IQSEC2: variants seen among roughly 807,000 people sequenced by gnomAD.
IQSEC2 encodes the protein IQ motif and Sec7 domain ArfGEF 2, also known as IQ motif and SEC7 domain-containing protein 2.
A neutral mutation model predicts 74.6 loss-of-function variants in IQSEC2; 6 were observed. The ratio of observed to expected loss-of-function variants is 0.08; its 90% confidence interval spans 0.04 to 0.16. The LOEUF (loss-of-function observed/expected upper bound fraction) is 0.16, where lower values mean the gene tolerates loss of function less well. Among genes scored for constraint, IQSEC2 ranks in the 10% least tolerant of loss-of-function variants. The pLI, the probability that IQSEC2 is intolerant of heterozygous loss-of-function variation, is 1.00. For missense variants in IQSEC2, 734 were observed against 1,306.2 expected (o/e 0.56, Z 6.75); for synonymous variants, 494 against 544.5 (o/e 0.91, Z 1.29).
At chrX:53,287,341 G>A (rs782112676) in intron 2 of IQSEC2, among the ~76,000 whole-genome samples, 1 of 112,286 alleles carries the variant, frequency 8.9e-6, no homozygotes, top group South Asian at 3.7e-4. Context: ...ATTGTCCAGC[G>A]TTTGTGTTTG....
intron 5 of IQSEC2, among the ~76,000 whole-genome samples, chrX:53,249,949 G>C (rs1213609498): frequency 9.0e-6 from 1 of 111,620 alleles, no homozygotes; most frequent in African/African-American, 3.3e-5. Flanking sequence ...CTGTTTCCCA[G>C]ACTAGGGCTC....
intron 4 of IQSEC2, 63 bp from the exon 5 acceptor site, chrX:53,251,237 A>C: frequency 9.2e-7 from 1 of 1,089,221 alleles, no homozygotes; most frequent in Non-Finnish European, 1.3e-6. Context: ...AAAGGGAAGA[A>C]TGGTGGAAGG....
rs184977984 is a variant in IQSEC2, at chrX:53,244,549, T to C, written c.2750-1078A>G. On this transcript the variant is annotated intron_variant, in intron 8 of 14. Transcript: ENST00000642864. ...TCAAAAAAAAAAAAAAAAAACTCAC[T>C]AAGTGTTACTTATGGGGACAATTTG... 5.6e-3 allele frequency among the ~76,000 whole-genome samples: 597 copies of C among 107,336 alleles called. 4 individuals carry two copies. The highest frequency in any genetic ancestry group is 0.019 in the African/African-American group (568 of 29,246). 93.2% of individuals were successfully genotyped at this position (107,336 alleles called of 115,157 possible).
intron 1 of IQSEC2, among the ~76,000 whole-genome samples, chrX:53,300,711 G>C (rs1456834238): frequency 2.7e-5 from 3 of 111,871 alleles, no homozygotes; most frequent in Non-Finnish European, 1.9e-5. Context: ...CCCTATATAA[G>C]GTCAATTCCC....
At chrX:53,246,326 G>A (rs1241831355) in intron 8 of IQSEC2, among the ~76,000 whole-genome samples, 2 of 112,037 alleles carry the variant, frequency 1.8e-5, no homozygotes, top group East Asian at 5.6e-4. Context: ...CTAGAGGTGG[G>A]CTCTCCCTCC....
intron 8 of IQSEC2, among the ~76,000 whole-genome samples, 161 bp downstream of exon 8, chrX:53,246,808 T>G (rs1317776629): frequency 9.0e-6 from 1 of 111,488 alleles, no homozygotes; most frequent in Non-Finnish European, 1.9e-5. Context: ...ACGATTTGAG[T>G]GAATTAATAA....
chrX:53,241,239 G>A lies in IQSEC2; in HGVS notation c.3015+545C>T, dbSNP rs1430412846. 2.7e-5 allele frequency among the ~76,000 whole-genome samples: 3 copies of A among 110,916 alleles called. 1 individual carries two copies. Among genetic ancestry groups the A allele is most frequent in the Non-Finnish European group, 5.7e-5 (3 of 52,929 alleles). On this transcript the variant is annotated intron_variant, in intron 10 of 14. Coordinates refer to ENST00000642864, the MANE Select transcript of IQSEC2 (RefSeq NM_001111125.3). The stretch of plus-strand genomic sequence containing the variant: ...TCCCGACTCAGCCTCCCAAGTAGCT[G>A]GGACTACAGGTGCACACCACCATGC...
chrX:53,263,862 C>A (rs781823219), intron 2 of IQSEC2, among the ~76,000 whole-genome samples: 1 of 112,710 alleles, frequency 8.9e-6, no homozygotes, highest in Non-Finnish European at 1.9e-5. Context: ...CCCACACCCC[C>A]GTCCTGTTTC....
At chrX:53,304,659 G>GC (rs2075242968) in intron 1 of IQSEC2, among the ~76,000 whole-genome samples, 1 of 111,979 alleles carries the variant, frequency 8.9e-6, no homozygotes, top group South Asian at 3.8e-4. Flanking sequence ...TTACAACCAA[G>GC]AGAGCCTTGA....
chrX:53,289,474 G>A (rs5978153), intron 2 of IQSEC2, among the ~76,000 whole-genome samples: 3 of 110,766 alleles, frequency 2.7e-5, no homozygotes, highest in Non-Finnish European at 5.7e-5. Flanking sequence ...CACCCCCCTC[G>A]CTTCCCTCCA....
At chrX:53,256,207 C>A in intron 2 of IQSEC2, 146 bp from the exon 3 acceptor site, 1 of 550,453 alleles carries the variant, frequency 1.8e-6, no homozygotes, top group South Asian at 3.8e-5. Context: ...CACTTACAGG[C>A]CACGGTGAGT....
At chrX:53,273,092 C>T (rs781786595) in intron 2 of IQSEC2, among the ~76,000 whole-genome samples, 16 of 110,218 alleles carry the variant, frequency 1.5e-4, no homozygotes, top group Admixed American at 2.9e-4. Context: ...TGGCAGAACT[C>T]GGACTTGAAT....
Position 53,243,437 on chromosome X carries a change from G to A in IQSEC2, c.2784C>T (p.Leu928=). ...GGATGCGCTGGTAGATGCCCACCAG[G>A]AGGTCTCGGGGGATGTCTTCACCAT... ...VDNGEDIPRD[L]LVGIYQRIQG... is the part of the protein sequence containing the mutation. Residue 928 remains leucine, a synonymous_variant, in exon 9 of 15, where the codon CTC becomes CTT. Transcript: ENST00000642864. 1 of 1,176,357 alleles carries A rather than the reference G, an allele frequency of 8.5e-7. No individual in the cohort carries two copies. The highest frequency in any genetic ancestry group is 1.1e-6 in the Non-Finnish European group (1 of 877,113).
At position 53,265,010 on chromosome X, in the gene IQSEC2, C is replaced by T. The variant is rs1309962738; in HGVS notation, c.738-8949G>A. Among the ~76,000 whole-genome samples, 5 of 110,825 alleles carry T rather than the reference C, an allele frequency of 4.5e-5. 1 individual carries two copies. The highest frequency in any genetic ancestry group is 9.9e-5 in the African/African-American group (3 of 30,391). On this transcript the variant is annotated intron_variant, in intron 2 of 14. Transcript: ENST00000642864. ...GAAACTCCTGGCCTCAAGCCATCTG[C>T]CTGTCTCAGCCTCCCAAAGGGCTAG... is the stretch of plus-strand genomic sequence containing the variant.
intron 2 of IQSEC2, among the ~76,000 whole-genome samples, chrX:53,267,551 G>C (rs1299095651): frequency 8.9e-6 from 1 of 111,732 alleles, no homozygotes; most frequent in Non-Finnish European, 1.9e-5. Flanking sequence ...CCAAGTCTCA[G>C]ACTCATCCCA....
chrX:53,285,422 G>A (rs1660457175), intron 2 of IQSEC2, among the ~76,000 whole-genome samples: 1 of 112,603 alleles, frequency 8.9e-6, no homozygotes, highest in Non-Finnish European at 1.9e-5. Flanking sequence ...TGGATGTGTG[G>A]ATGGACAATT....
Position 53,250,492 on chromosome X carries a change from T to A in IQSEC2, c.2084A>T (p.Asp695Val). 1 of 1,211,490 alleles carries A rather than the reference T, an allele frequency of 8.3e-7. No homozygotes were observed. ...EAAGENSDGG[D>V]NESLESSSNS... ...GCTGGAGCTCTCAAGGCTCTCGTTA[T>A]CTCCACCATCAGAGTTCTCGCCTGC... Residue 695 changes from aspartate (D) to valine (V), a missense_variant, in exon 5 of 15, where the codon GAT (aspartate) becomes GTT (valine). Physicochemically the swap from Asp to Val is radical, Grantham distance 152. Around this residue, in one of 12 missense-constraint regions of IQSEC2, gnomAD observed 204 missense variants for 305.4 expected, o/e 0.67. Transcript: ENST00000642864.
chrX:53,243,452 G>A lies in IQSEC2; in HGVS notation c.2769C>T (p.Asp923=). The A allele has an allele frequency of 8.5e-7, 1 of 1,178,667 alleles. No individual in the cohort carries two copies. Residue 923 remains aspartate (D), a synonymous_variant, in exon 9 of 15, where the codon GAC becomes GAT. Transcript: ENST00000642864. The stretch of plus-strand genomic sequence containing the variant: ...TGCCCACCAGGAGGTCTCGGGGGAT[G>A]TCTTCACCATTGTCAACCCCTGGGG... ...KNLRGVDNGE[D]IPRDLLVGIY...
chrX:53,308,863 C>T (rs1272943691), intron 1 of IQSEC2, among the ~76,000 whole-genome samples: 5 of 109,841 alleles, frequency 4.6e-5, no homozygotes, highest in Admixed American at 2.0e-4. Flanking sequence ...TCTGGAAGAC[C>T]GAAGGATGAG....
Sources: allele counts gnomAD v4.1 joint callset (sites outside exome capture counted in the v4.1 genomes callset), GRCh38; gene constraint gnomAD v4.1.1; regional missense constraint gnomAD v4.1.1; transcripts MANE v1.5; gene names NCBI Gene and HGNC (gene_info 2026-07-23, HGNC 2026-07-21).